Variants in GPAT4 observed in about 807,000 individuals in gnomAD.
The protein encoded by GPAT4 is glycerol-3-phosphate acyltransferase 4.
A neutral mutation model predicts 58.0 loss-of-function variants in GPAT4; 17 were observed. That is an observed-to-expected ratio of 0.29 (90% CI 0.20 to 0.44). The LOEUF is 0.44. Among genes scored for constraint, GPAT4 ranks in the 20% least tolerant of loss-of-function variants. The pLI is 1.00. For missense variants in GPAT4, 377 were observed against 574.5 expected, an observed-to-expected ratio of 0.66 and a Z score of 3.51; for synonymous variants, 204 against 210.1, an observed-to-expected ratio of 0.97 and a Z score of 0.25.
chr8:41,595,329 T>TC (rs1189184040), intron 1 of GPAT4, among the ~76,000 whole-genome samples: 1 of 42,812 alleles, frequency 2.3e-5, no homozygotes. Context: ...ATCTTCCTTT[T>TC]TTTTTTTTTT....
rs547565819 is a variant in GPAT4, at chr8:41,598,859, G to T, written c.-281G>T. The T allele has an allele frequency of 1.3e-5, 5 of 381,172 alleles. No homozygotes were observed. The highest frequency in any genetic ancestry group is 2.3e-5 in the Non-Finnish European group (5 of 215,918). 23.6% of individuals were successfully genotyped at this position (381,172 alleles called of 1,614,324 possible). A position where few individuals can be genotyped will look rare whatever the true frequency, so the allele number is the denominator to read the frequency against. ...TTGCACAGAAACTCCATCTGGACTC[G>T]GATGCTTTTACTGAAGACCCATCTA... On this transcript the variant is annotated 5_prime_UTR_variant, in exon 2 of 13. Transcript: ENST00000396987.
rs1342459872 is a variant in GPAT4, at chr8:41,599,053, C to A, written c.-87C>A. ...GTTCTTCGGGAACTTGCTTCCTTTC[C>A]CTGGCTGGTGCTGTCAGGAAGGACC... On this transcript the variant is annotated 5_prime_UTR_variant, in exon 2 of 13. Transcript: ENST00000396987. The A allele has an allele frequency of 3.3e-6, 5 of 1,505,392 alleles. No individual in the cohort carries two copies. Among genetic ancestry groups the A allele is most frequent in the Admixed American group, 2.3e-5 (1 of 43,620 alleles). The allele number at this position is 1,505,392 out of a possible 1,614,324, so 93.3% of individuals were successfully genotyped here.
intron 6 of GPAT4, 75 bp from the exon 7 acceptor site, chr8:41,612,105 C>T (rs1803462606): frequency 3.2e-6 from 5 of 1,585,748 alleles, no homozygotes; most frequent in Admixed American, 3.3e-5. Context: ...GCAGATGAAG[C>T]ATGTGAGGTG....
At chr8:41,594,281 C>T (rs547567036) in intron 1 of GPAT4, among the ~76,000 whole-genome samples, 1 of 152,072 alleles carries the variant, frequency 6.6e-6, no homozygotes, top group South Asian at 2.1e-4. Context: ...TTAAAACTTG[C>T]GTAAACCTTT....
intron 5 of GPAT4, among the ~76,000 whole-genome samples, chr8:41,611,660 A>C (rs1032483597): frequency 3.0e-4 from 45 of 152,198 alleles, no homozygotes; most frequent in Non-Finnish European, 5.9e-5. Flanking sequence ...CGGATGCCGG[A>C]TTCTAGGCTG....
At chr8:41,579,795 G>A (rs1048779964) in intron 1 of GPAT4, among the ~76,000 whole-genome samples, 4 of 151,810 alleles carry the variant, frequency 2.6e-5, no homozygotes. Flanking sequence ...CCAAGATTGC[G>A]CCGCTGCACT....
At chr8:41,616,244 C>T (rs1268987369) in intron 10 of GPAT4, among the ~76,000 whole-genome samples, 1 of 152,212 alleles carries the variant, frequency 6.6e-6, no homozygotes, top group African/African-American at 2.4e-5. Flanking sequence ...GCATTGCCTG[C>T]AGGGATTGTT....
At chr8:41,582,976 A>G (rs1421931486) in intron 1 of GPAT4, among the ~76,000 whole-genome samples, 1 of 152,086 alleles carries the variant, frequency 6.6e-6, no homozygotes, top group Non-Finnish European at 1.5e-5. Context: ...TAACCCTAGC[A>G]CTTTGGGAGG....
rs552480796 is a variant in GPAT4, at chr8:41,612,987, C to T, written c.911+27C>T. On this transcript the variant is annotated intron_variant, in intron 8 of 12. Coordinates refer to ENST00000396987, the MANE Select transcript of GPAT4 (RefSeq NM_178819.4). ...TAATGGACAGAACACTGCTGTTCTG[C>T]TTGGCCAGTTAGAATGCTGAAAAGG... 4 of 1,592,062 alleles carry T rather than the reference C, an allele frequency of 2.5e-6. No individual in the cohort carries two copies. In the East Asian group the frequency reaches 9.0e-5, roughly 36 times the overall value.
intron 9 of GPAT4, 30 bp downstream of exon 9, chr8:41,614,471 T>C (rs752240109): frequency 1.2e-6 from 2 of 1,609,016 alleles, no homozygotes; most frequent in Non-Finnish European, 1.7e-6. Context: ...CACGAAGGGC[T>C]TCTGTGGGGA....
At chr8:41,594,746 C>G (rs960479394) in intron 1 of GPAT4, among the ~76,000 whole-genome samples, 3 of 152,018 alleles carry the variant, frequency 2.0e-5, no homozygotes, top group African/African-American at 7.2e-5. Context: ...GGGGTTTCAC[C>G]GTGTTAGCCA....
chr8:41,600,179 C>T (rs1442787788), intron 2 of GPAT4, among the ~76,000 whole-genome samples: 1 of 151,778 alleles, frequency 6.6e-6, no homozygotes, highest in Non-Finnish European at 1.5e-5. Flanking sequence ...GCTGGGACTA[C>T]AGGCCCATGC....
At chr8:41,605,731 CCTGA>C (rs1197510869) in intron 2 of GPAT4, among the ~76,000 whole-genome samples, 4 of 152,202 alleles carry the variant, frequency 2.6e-5, no homozygotes, top group East Asian at 1.9e-4. Flanking sequence ...TGCCACCACA[CCTGA>C]CTATTTTTGT....
At chr8:41,618,629 C>CG in intron 10 of GPAT4, 55 bp from the exon 11 acceptor site, 1 of 1,604,066 alleles carries the variant, frequency 6.2e-7, no homozygotes, top group Non-Finnish European at 8.5e-7. Context: ...ACTGTGGACT[C>CG]GCAAACGTTG....
chr8:41,613,073 C>T, intron 8 of GPAT4, 113 bp downstream of exon 8: 3 of 785,972 alleles, frequency 3.8e-6, no homozygotes, highest in Non-Finnish European at 5.8e-6. Flanking sequence ...GCCTATACTG[C>T]TTTCATAATA....
intron 2 of GPAT4, 92 bp downstream of exon 2, chr8:41,599,396 TTAGA>T: frequency 1.4e-6 from 2 of 1,433,816 alleles, no homozygotes; most frequent in Middle Eastern, 1.8e-4. Context: ...TATCTCTTTA[TTAGA>T]TAGGGAGAAA....
At chr8:41,603,239 T>C (rs964156774) in intron 2 of GPAT4, among the ~76,000 whole-genome samples, 3 of 152,110 alleles carry the variant, frequency 2.0e-5, no homozygotes, top group Non-Finnish European at 4.4e-5. Context: ...TAAAAAATAC[T>C]TCTGGGGCTG....
intron 2 of GPAT4, among the ~76,000 whole-genome samples, chr8:41,601,362 A>G (rs893387019): frequency 6.6e-6 from 1 of 152,170 alleles, no homozygotes; most frequent in Admixed American, 6.5e-5. Context: ...TAATGTATTT[A>G]TTTTAATTAG....
At chr8:41,603,902 A>G (rs547338206) in intron 2 of GPAT4, among the ~76,000 whole-genome samples, 6 of 152,070 alleles carry the variant, frequency 3.9e-5, no homozygotes, top group African/African-American at 1.4e-4. Flanking sequence ...GCACAGAATG[A>G]ATGAATGAAT....
Sources: allele counts gnomAD v4.1 joint callset (sites outside exome capture counted in the v4.1 genomes callset), GRCh38; gene constraint gnomAD v4.1.1; transcripts MANE v1.5; gene names NCBI Gene and HGNC (gene_info 2026-07-23, HGNC 2026-07-21).